The following MMS22L variants were observed in gnomAD, a reference collection of about 807,000 sequenced individuals.
MMS22L encodes protein MMS22-like.
In MMS22L, 74 loss-of-function variants were observed where a neutral mutation model predicts 159.1. That is an observed-to-expected ratio of 0.47 (90% CI 0.39 to 0.56). MMS22L has a LOEUF of 0.56. Among genes scored for constraint, MMS22L ranks in the 20% least tolerant of loss-of-function variants. The pLI, the probability that MMS22L is intolerant of heterozygous loss-of-function variation, is 0.00. For synonymous variants in MMS22L, 517 were observed against 506.9 expected (o/e 1.02, Z -0.27); for missense variants, 1,351 against 1,422.1 (o/e 0.95, Z 0.80).
At chr6:97,241,698 T>C (rs1315052267) in intron 11 of MMS22L, among the ~76,000 whole-genome samples, 1 of 152,178 alleles carries the variant, frequency 6.6e-6, no homozygotes, top group Non-Finnish European at 1.5e-5. Flanking sequence ...TGACCTTAGA[T>C]TGTCTATTTG....
At position 97,196,555 on chromosome 6, in the gene MMS22L, T is replaced by C. The variant is rs141397405; in HGVS notation, c.2040-9865A>G. Among the ~76,000 whole-genome samples the C allele has an allele frequency of 2.6e-3, 397 of 152,280 alleles. 1 individual carries two copies. The highest frequency in any genetic ancestry group is 4.3e-3 in the Non-Finnish European group (295 of 67,998). On this transcript the variant is annotated intron_variant, in intron 14 of 24. Transcript: ENST00000683635. ...ATAAGGAACAGGTCATAGAGGATCA[T>C]GTCATCTCAAAAAGTTAGAGCCAAA...
At chr6:97,175,658 T>C (rs897770129) in intron 18 of MMS22L, among the ~76,000 whole-genome samples, 2 of 152,158 alleles carry the variant, frequency 1.3e-5, no homozygotes, top group Admixed American at 6.6e-5. Context: ...CACTTCATTA[T>C]TTATATCAGG....
At chr6:97,160,087 GGCCC>G (rs1208525410) in intron 22 of MMS22L, among the ~76,000 whole-genome samples, 10 of 149,432 alleles carry the variant, frequency 6.7e-5, no homozygotes, top group Non-Finnish European at 1.3e-4. Context: ...ATAAGTTATA[GGCCC>G]AACAATATTA....
intron 14 of MMS22L, among the ~76,000 whole-genome samples, chr6:97,192,795 G>A (rs1054277071): frequency 2.0e-5 from 3 of 152,132 alleles, no homozygotes; most frequent in African/African-American, 7.2e-5. Flanking sequence ...ATATGTACTA[G>A]CCCTATTCTA....
At chr6:97,237,119 G>A (rs1286079601) in intron 11 of MMS22L, among the ~76,000 whole-genome samples, 1 of 152,076 alleles carries the variant, frequency 6.6e-6, no homozygotes, top group African/African-American at 2.4e-5. Flanking sequence ...CGGGCAAAAT[G>A]AAAAGAAAAA....
intron 22 of MMS22L, among the ~76,000 whole-genome samples, chr6:97,161,322 C>CT (rs1183513873): frequency 6.6e-6 from 1 of 152,014 alleles, no homozygotes; most frequent in African/African-American, 2.4e-5. Context: ...AGCTGTTAAG[C>CT]TCCACTAATT....
intron 11 of MMS22L, among the ~76,000 whole-genome samples, chr6:97,237,412 T>A (rs1412557961): frequency 6.6e-6 from 1 of 152,202 alleles, no homozygotes; most frequent in African/African-American, 2.4e-5. Flanking sequence ...TTATTTAAAA[T>A]ACACTTCAAA....
intron 14 of MMS22L, among the ~76,000 whole-genome samples, chr6:97,205,366 T>G (rs1807671249): frequency 6.6e-6 from 1 of 152,164 alleles, no homozygotes; most frequent in Non-Finnish European, 1.5e-5. Context: ...TTTACAATTC[T>G]TTAAAAATGT....
At chr6:97,267,778 G>T in intron 8 of MMS22L, 94 bp downstream of exon 8, 1 of 1,120,810 alleles carries the variant, frequency 8.9e-7, no homozygotes, top group Non-Finnish European at 1.2e-6. Flanking sequence ...AACATATAAA[G>T]CATTTTAGTT....
intron 8 of MMS22L, chr6:97,264,148 C>T (rs1465233952): frequency 6.6e-6 from 1 of 152,114 alleles, no homozygotes; most frequent in Non-Finnish European, 1.5e-5. Context: ...CTGGTTATAT[C>T]CCAGTAAAAC....
chr6:97,150,341 G>C (rs530589095), intron 23 of MMS22L, among the ~76,000 whole-genome samples: 4 of 152,160 alleles, frequency 2.6e-5, no homozygotes, highest in African/African-American at 9.6e-5. Context: ...TTGAATCTGA[G>C]TGGAAAGGAT....
intron 10 of MMS22L, among the ~76,000 whole-genome samples, chr6:97,248,299 G>A (rs982043486): frequency 6.6e-6 from 1 of 152,150 alleles, no homozygotes; most frequent in African/African-American, 2.4e-5. Context: ...CTGAAGCCCT[G>A]GCTGATAGCT....
intron 24 of MMS22L, among the ~76,000 whole-genome samples, chr6:97,148,382 C>G (rs1203188325): frequency 6.6e-6 from 1 of 152,056 alleles, no homozygotes; most frequent in Non-Finnish European, 1.5e-5. Context: ...TCAGGCAGGT[C>G]CTTCAGGAGG....
intron 15 of MMS22L, among the ~76,000 whole-genome samples, chr6:97,185,424 C>G (rs747226838): frequency 6.6e-6 from 1 of 152,024 alleles, no homozygotes; most frequent in Non-Finnish European, 1.5e-5. Context: ...ATTTATATAC[C>G]ATTTATCTTC....
At chr6:97,244,234 TGGTACTACAG>T (rs1187834638) in intron 11 of MMS22L, among the ~76,000 whole-genome samples, 13 of 152,156 alleles carry the variant, frequency 8.5e-5, no homozygotes. Context: ...GCATCAGCTG[TGGTACTACAG>T]GGGGGACATA....
Position 97,282,378 on chromosome 6 carries a change from C to T in MMS22L, c.100G>A (p.Asp34Asn), listed in dbSNP as rs1562537407. ...AAATGTTTTCCTCCTCCTCTGTTGTCAACAGCACAAGAAAAGTAAGGAGGT... is the reference window on the plus strand; with the variant it reads ...AAATGTTTTCCTCCTCCTCTGTTGTTAACAGCACAAGAAAAGTAAGGAGGT... ...CKPPYFSCAVDNRGGGKHFSG... is the reference protein window; with the variant it reads ...CKPPYFSCAVNNRGGGKHFSG... Residue 34 changes from aspartate (D) to asparagine (N), a missense_variant, in exon 2 of 25, where the codon GAC becomes AAC. Physicochemically the swap from Asp to Asn is conservative, Grantham distance 23 (BLOSUM62 1). Transcript: ENST00000683635. 6 of 1,614,150 alleles carry T rather than the reference C, an allele frequency of 3.7e-6. No individual in the cohort carries two copies. Among genetic ancestry groups the T allele is most frequent in the East Asian group, 2.2e-5 (1 of 44,882 alleles).
intron 18 of MMS22L, among the ~76,000 whole-genome samples, chr6:97,174,371 C>T (rs1582464334): frequency 6.6e-6 from 1 of 152,010 alleles, no homozygotes; most frequent in African/African-American, 2.4e-5. Flanking sequence ...ATGAATTGCA[C>T]CAATACAAAC....
Position 97,233,993 on chromosome 6 carries a change from C to T in MMS22L, c.1183-13G>A, listed in dbSNP as rs1288585475. ...CTAGAATGACACCCTAAAAAATAAA[C>T]TGAAGTTATGAGAAGGTAAATGGGC... On this transcript the variant is annotated splice_polypyrimidine_tract_variant and intron_variant, in intron 11 of 24. Transcript: ENST00000683635. 1 of 1,604,858 alleles carries T rather than the reference C, an allele frequency of 6.2e-7. No individual in the cohort carries two copies. Among genetic ancestry groups the T allele is most frequent in the Admixed American group, 1.7e-5 (1 of 58,278 alleles).
At chr6:97,230,852 G>T (rs1409203463) in intron 13 of MMS22L, 1 of 152,678 alleles carries the variant, frequency 6.5e-6, no homozygotes, top group African/African-American at 2.4e-5. Flanking sequence ...TTCATTAAGT[G>T]ATTCTTGAGA....
Sources: allele counts gnomAD v4.1 joint callset (sites outside exome capture counted in the v4.1 genomes callset), GRCh38; gene constraint gnomAD v4.1.1; transcripts MANE v1.5; gene names NCBI Gene and HGNC (gene_info 2026-07-23, HGNC 2026-07-21).